The following MATN2 variants were observed in gnomAD, a reference collection of about 807,000 sequenced individuals.
MATN2 encodes the protein matrilin-2.
MATN2 carries 69 observed loss-of-function variants against 103.2 expected under a neutral mutation model. That is an observed-to-expected ratio of 0.67 (90% CI 0.55 to 0.82). The LOEUF (loss-of-function observed/expected upper bound fraction) is 0.82, where lower values mean the gene tolerates loss of function less well. Ranked by LOEUF, MATN2 falls within the 40% of genes least tolerant of loss-of-function variation. The pLI is 0.00. For synonymous variants in MATN2, 429 were observed against 450.2 expected (o/e 0.95, Z 0.60); for missense variants, 1,023 against 1,211.5 (o/e 0.84, Z 2.31).
chr8:98,033,907 G>A, intron 18 of MATN2: 2 of 516,782 alleles, frequency 3.9e-6, no homozygotes, highest in Non-Finnish European at 3.5e-6. Flanking sequence ...TTAGCAATAA[G>A]GCCTGTCAGT....
At chr8:97,876,576 A>G (rs1320669209) in intron 1 of MATN2, among the ~76,000 whole-genome samples, 2 of 152,118 alleles carry the variant, frequency 1.3e-5, no homozygotes, top group African/African-American at 4.8e-5. Context: ...TGCTCGGCTC[A>G]GCCTCCCAAA....
chr8:97,883,334 A>G (rs1026512294), intron 1 of MATN2, among the ~76,000 whole-genome samples: 2 of 151,548 alleles, frequency 1.3e-5, no homozygotes, highest in African/African-American at 4.9e-5. Flanking sequence ...ATAATCGATC[A>G]GATACATATT....
chr8:97,888,608 A>G (rs1818524890), intron 2 of MATN2, among the ~76,000 whole-genome samples: 1 of 152,144 alleles, frequency 6.6e-6, no homozygotes, highest in Non-Finnish European at 1.5e-5. Context: ...GCTTCCCTGC[A>G]TGGCAGCAGG....
intron 4 of MATN2, among the ~76,000 whole-genome samples, chr8:97,960,341 A>G (rs1811267938): frequency 6.6e-6 from 1 of 152,232 alleles, no homozygotes; most frequent in African/African-American, 2.4e-5. Flanking sequence ...TTTAATGGCA[A>G]AATCAATGGT....
chr8:97,870,075 G>C (rs372396092), intron 1 of MATN2, among the ~76,000 whole-genome samples: 175 of 152,308 alleles, frequency 1.1e-3, no homozygotes, highest in African/African-American at 3.9e-3. Context: ...AGGGACCCGT[G>C]GTCGAGAGCA....
chr8:98,033,118 T>G lies in MATN2; in HGVS notation c.2658T>G (p.Phe886Leu). 1 of 1,611,488 alleles carries G rather than the reference T, an allele frequency of 6.2e-7. No individual in the cohort carries two copies. ...TTGCAGTGCAACACAGATATCTGTT[T>G]GAAGAAGACAATCTTTTACGGTCTA... ...SNFAVQHRYLFEEDNLLRSTQ... is the reference protein window; with the variant it reads ...SNFAVQHRYLLEEDNLLRSTQ... The change falls in exon 17 of 19, where the codon TTT becomes TTG. Residue 886 changes from phenylalanine to leucine, a missense_variant. By Grantham distance (22) the Phe-to-Leu change is conservative. Coordinates refer to ENST00000254898, the MANE Select transcript of MATN2 (RefSeq NM_002380.5).
intron 1 of MATN2, among the ~76,000 whole-genome samples, chr8:97,875,850 C>G (rs1267818623): frequency 1.3e-5 from 2 of 151,326 alleles, no homozygotes; most frequent in Non-Finnish European, 2.9e-5. Flanking sequence ...TGCCCGCCAC[C>G]CTGACCAGAT....
chr8:97,962,862 C>T (rs553780849), intron 5 of MATN2, among the ~76,000 whole-genome samples: 2 of 152,172 alleles, frequency 1.3e-5, no homozygotes, highest in African/African-American at 4.8e-5. Flanking sequence ...TGGACAGGTG[C>T]GATGGCTCAC....
At chr8:97,989,665 A>G (rs985203125) in intron 6 of MATN2, among the ~76,000 whole-genome samples, 1 of 152,184 alleles carries the variant, frequency 6.6e-6, no homozygotes, top group African/African-American at 2.4e-5. Context: ...AATAAGACAG[A>G]GAAAGATCAA....
intron 6 of MATN2, among the ~76,000 whole-genome samples, chr8:97,986,894 G>A (rs1017693202): frequency 1.3e-5 from 2 of 151,958 alleles, no homozygotes; most frequent in South Asian, 2.1e-4. Context: ...GTGCAGTGGC[G>A]CGATCTCGGC....
At chr8:97,873,469 C>T (rs571930991) in intron 1 of MATN2, among the ~76,000 whole-genome samples, 4 of 152,148 alleles carry the variant, frequency 2.6e-5, no homozygotes, top group African/African-American at 9.6e-5. Flanking sequence ...CTACCTCAGC[C>T]TCCCAAGTTG....
Position 97,915,153 on chromosome 8 carries a change from G to A in MATN2, c.143-15800G>A, listed in dbSNP as rs549512843. Among the ~76,000 whole-genome samples the A allele has an allele frequency of 3.9e-5, 6 of 152,092 alleles. No homozygotes were observed. The South Asian group carries it at 1.2e-3, about 32-fold the overall frequency. On this transcript the variant is annotated intron_variant, in intron 2 of 18. Transcript: ENST00000254898. ...AGGCGCACGCCATCATGCTTGGCTTGTGAAAAAACTTTTTTTTTTGTAGTG... is the reference window on the plus strand; with the variant it reads ...AGGCGCACGCCATCATGCTTGGCTTATGAAAAAACTTTTTTTTTTGTAGTG...
chr8:97,871,472 T>C (rs758573636), intron 1 of MATN2, among the ~76,000 whole-genome samples: 1 of 152,208 alleles, frequency 6.6e-6, no homozygotes, highest in Non-Finnish European at 1.5e-5. Flanking sequence ...AGAGAGCCTC[T>C]AGTGCTGCCC....
chr8:98,009,281 C>T (rs545480922), intron 10 of MATN2, among the ~76,000 whole-genome samples: 1 of 152,272 alleles, frequency 6.6e-6, no homozygotes, highest in African/African-American at 2.4e-5. Context: ...CTGTCCTGTC[C>T]TGTAATAATG....
intron 5 of MATN2, among the ~76,000 whole-genome samples, chr8:97,961,926 C>G (rs1004501320): frequency 6.6e-6 from 1 of 152,178 alleles, no homozygotes; most frequent in Non-Finnish European, 1.5e-5. Context: ...TCAAAGACAA[C>G]GGGCAGCCTT....
intron 7 of MATN2, among the ~76,000 whole-genome samples, chr8:98,002,839 A>G (rs1211534708): frequency 2.0e-5 from 3 of 152,124 alleles, no homozygotes; most frequent in Non-Finnish European, 2.9e-5. Context: ...CCTCTACTGC[A>G]AAGTCTTCTT....
intron 10 of MATN2, among the ~76,000 whole-genome samples, chr8:98,016,247 C>T (rs114252153): frequency 0.017 from 2,537 of 152,192 alleles, 65 homozygotes; most frequent in African/African-American, 0.058. Flanking sequence ...GTGGTGCACG[C>T]TTGTAGTCCC....
At chr8:97,965,562 C>T (rs1053026902) in intron 5 of MATN2, among the ~76,000 whole-genome samples, 8 of 152,104 alleles carry the variant, frequency 5.3e-5, no homozygotes, top group East Asian at 1.9e-4. Context: ...GGCCAGGTAC[C>T]GTGGCACATG....
Position 98,036,390 on chromosome 8 carries a change from C to G in MATN2, c.*678C>G, listed in dbSNP as rs1415205262. The G allele has an allele frequency of 6.6e-6, 1 of 152,078 alleles. No individual in the cohort carries two copies. The highest frequency in any genetic ancestry group is 1.9e-4 in the East Asian group (1 of 5,198). The allele number at this position is 152,078 out of a possible 1,614,324, so 9.4% of individuals were successfully genotyped here. ...TAGCAAAAATGAGTATATTTTTTAA[C>G]AAGTGTTGGTAAGGATGTGGAAATG... On this transcript the variant is annotated 3_prime_UTR_variant, in exon 19 of 19. Coordinates refer to ENST00000254898, the MANE Select transcript of MATN2 (RefSeq NM_002380.5).
Sources: gnomAD v4.1 joint callset for allele counts (sites outside exome capture counted in the v4.1 genomes callset) on GRCh38, gnomAD v4.1.1 for gene constraint, MANE v1.5 for transcripts, NCBI Gene and HGNC (gene_info 2026-07-23, HGNC 2026-07-21) for gene names.